Variants in ARHGAP22 observed in about 807,000 individuals in gnomAD.
ARHGAP22 encodes the protein Rho GTPase activating protein 22.
Under a neutral mutation model 59.1 loss-of-function variants are expected in ARHGAP22, and 48 were observed. The ratio of observed to expected loss-of-function variants is 0.81; its 90% CI spans 0.64 to 1.03. The LOEUF is 1.03. Among genes scored for constraint, ARHGAP22 ranks in the 50% least tolerant of loss-of-function variants. The pLI is 0.00. For missense variants in ARHGAP22, 1,015 were observed against 958.7 expected (o/e 1.06, Z -0.78); for synonymous variants, 445 against 416.4 (o/e 1.07, Z -0.84).
intron 2 of ARHGAP22, among the ~76,000 whole-genome samples, chr10:48,570,480 G>A (rs200134202): frequency 2.6e-5 from 4 of 152,184 alleles, no homozygotes; most frequent in East Asian, 3.8e-4. Context: ...TTCAATCATC[G>A]CTGGCTTATC....
chr10:48,492,707 C>T (rs573606345), intron 3 of ARHGAP22, among the ~76,000 whole-genome samples: 2 of 152,190 alleles, frequency 1.3e-5, no homozygotes, highest in East Asian at 3.9e-4. Flanking sequence ...GTACCTACCA[C>T]CACACCCAGC....
At position 48,604,949 on chromosome 10, in the gene ARHGAP22, C is replaced by T. The variant is rs2060601437; in HGVS notation, c.-153G>A. ...CCGTCAGGCTCCCTCGGCTACCTCTCCTGGCTCCGGACGGACGGCTCGCCT... is the reference window on the plus strand; with the variant it reads ...CCGTCAGGCTCCCTCGGCTACCTCTTCTGGCTCCGGACGGACGGCTCGCCT... On this transcript the variant is annotated 5_prime_UTR_variant, in exon 1 of 10. Transcript: ENST00000249601. 7 of 1,529,728 alleles carry T rather than the reference C, an allele frequency of 4.6e-6. No individual in the cohort carries two copies. The highest frequency in any genetic ancestry group is 6.1e-6 in the Non-Finnish European group (7 of 1,141,784). 94.8% of individuals were successfully genotyped at this position (1,529,728 alleles called of 1,614,324 possible).
chr10:48,497,023 C>T (rs556343286), intron 3 of ARHGAP22, among the ~76,000 whole-genome samples: 1 of 152,170 alleles, frequency 6.6e-6, no homozygotes, highest in Non-Finnish European at 1.5e-5. Context: ...CAGCACTGCA[C>T]TGGGCCCTGG....
intron 3 of ARHGAP22, among the ~76,000 whole-genome samples, chr10:48,515,882 T>C (rs1589872714): frequency 6.7e-6 from 1 of 150,014 alleles, no homozygotes; most frequent in Non-Finnish European, 1.5e-5. Flanking sequence ...TAGGGGTGAG[T>C]TGGGACGTGT....
chr10:48,576,601 C>T (rs965839143), intron 2 of ARHGAP22, among the ~76,000 whole-genome samples: 1 of 152,034 alleles, frequency 6.6e-6, no homozygotes, highest in African/African-American at 2.4e-5. Flanking sequence ...AAATTATTTC[C>T]ATCTTATTTC....
chr10:48,493,654 C>T (rs2050637738), intron 3 of ARHGAP22: 1 of 1,411,062 alleles, frequency 7.1e-7, no homozygotes, highest in Middle Eastern at 2.6e-4. Flanking sequence ...CCTTTTGTCT[C>T]TCCTGGGGAA....
intron 4 of ARHGAP22, among the ~76,000 whole-genome samples, chr10:48,464,597 G>T (rs1198787659): frequency 2.0e-5 from 3 of 152,216 alleles, no homozygotes; most frequent in African/African-American, 7.2e-5. Context: ...GCAGCACCCT[G>T]CCCTGGCATG....
chr10:48,628,414 G>A (rs1036182243), intron 1 of ARHGAP22, among the ~76,000 whole-genome samples: 5 of 152,218 alleles, frequency 3.3e-5, no homozygotes, highest in African/African-American at 7.2e-5. Context: ...GTGTGTGCAA[G>A]GTCACTGGCT....
At chr10:48,654,415 G>T (rs563255639), upstream of ARHGAP22, among the ~76,000 whole-genome samples, 1 of 152,346 alleles carries the variant, frequency 6.6e-6, no homozygotes, top group Admixed American at 6.5e-5. Flanking sequence ...TTGCCTCATG[G>T]CCTTGGTTGG....
intron 3 of ARHGAP22, among the ~76,000 whole-genome samples, chr10:48,489,979 C>T (rs1217429333): frequency 2.6e-5 from 4 of 152,118 alleles, no homozygotes; most frequent in Non-Finnish European, 4.4e-5. Flanking sequence ...GTGATCCACC[C>T]GCCTAGGCCT....
At chr10:48,479,404 G>A (rs189507310) in intron 4 of ARHGAP22, among the ~76,000 whole-genome samples, 4 of 152,286 alleles carry the variant, frequency 2.6e-5, no homozygotes, top group Non-Finnish European at 4.4e-5. Flanking sequence ...ATAGAATCCA[G>A]TACATTTAGA....
At chr10:48,526,630 G>A (rs1564821020) in intron 3 of ARHGAP22, among the ~76,000 whole-genome samples, 1 of 152,176 alleles carries the variant, frequency 6.6e-6, no homozygotes, top group Non-Finnish European at 1.5e-5. Flanking sequence ...TGAGCCCCTC[G>A]GGTGATTGTC....
intron 1 of ARHGAP22, among the ~76,000 whole-genome samples, chr10:48,628,171 C>T (rs2061512962): frequency 6.6e-6 from 1 of 152,212 alleles, no homozygotes; most frequent in Non-Finnish European, 1.5e-5. Context: ...CCTTCCAGTT[C>T]TGCACTCACG....
intron 2 of ARHGAP22, among the ~76,000 whole-genome samples, chr10:48,574,386 C>A (rs1014293042): frequency 1.3e-5 from 2 of 152,106 alleles, no homozygotes; most frequent in Non-Finnish European, 2.9e-5. Context: ...GAATGGAGAA[C>A]AGAAATTAAA....
intron 1 of ARHGAP22, among the ~76,000 whole-genome samples, chr10:48,593,374 C>T (rs1406237569): frequency 2.6e-5 from 4 of 152,166 alleles, no homozygotes; most frequent in Non-Finnish European, 4.4e-5. Context: ...TCTTAGACCC[C>T]CAGTGGATGT....
At chr10:48,571,261 A>G (rs1294371940) in intron 2 of ARHGAP22, among the ~76,000 whole-genome samples, 2 of 152,134 alleles carry the variant, frequency 1.3e-5, no homozygotes, top group Non-Finnish European at 2.9e-5. Context: ...TGTGGAATGG[A>G]GTGTAGAAGA....
At chr10:48,501,739 C>A (rs1194461209) in intron 3 of ARHGAP22, among the ~76,000 whole-genome samples, 5 of 132,990 alleles carry the variant, frequency 3.8e-5, no homozygotes, top group Non-Finnish European at 7.5e-5. Context: ...TTATGTACAT[C>A]CAAAAAAAAA....
chr10:48,463,361 G>T (rs1279607186), intron 4 of ARHGAP22, among the ~76,000 whole-genome samples: 1 of 152,178 alleles, frequency 6.6e-6, no homozygotes, highest in Non-Finnish European at 1.5e-5. Context: ...GGTAGCAATG[G>T]GAAGCTACAC....
rs761899331 is a variant in ARHGAP22, at chr10:48,450,227, C to T, written c.1868+34G>A. The T allele has an allele frequency of 9.4e-6, 15 of 1,599,472 alleles. No individual in the cohort carries two copies. In the South Asian group the frequency reaches 1.5e-4, roughly 16 times the overall value. On this transcript the variant is annotated intron_variant, in intron 9 of 9. Coordinates refer to ENST00000249601, the MANE Select transcript of ARHGAP22 (RefSeq NM_021226.4). The stretch of plus-strand genomic sequence containing the variant: ...CACGGCTCTCCCTGCAGGCTCCGCC[C>T]CGTCACAGGAGGCTCCACGGGGCAG...
Sources: gnomAD v4.1 joint callset for allele counts (sites outside exome capture counted in the v4.1 genomes callset) on GRCh38, gnomAD v4.1.1 for gene constraint, MANE v1.5 for transcripts, NCBI Gene and HGNC (gene_info 2026-07-23, HGNC 2026-07-21) for gene names.